HS6ST3: variants seen among roughly 807,000 people sequenced by gnomAD.
The protein encoded by HS6ST3 is heparan-sulfate 6-O-sulfotransferase 3.
A neutral mutation model predicts 36.7 loss-of-function variants in HS6ST3; 12 were observed. That is an observed-to-expected ratio of 0.33 (90% confidence interval 0.21 to 0.53). The LOEUF (loss-of-function observed/expected upper bound fraction) is 0.53, where lower values mean the gene tolerates loss of function less well. Among genes scored for constraint, HS6ST3 ranks in the 20% least tolerant of loss-of-function variants. The pLI is 0.95. For synonymous variants in HS6ST3, 240 were observed against 257.5 expected (o/e 0.93, Z 0.65); for missense variants, 584 against 640.9 (o/e 0.91, Z 0.96).
intron 1 of HS6ST3, among the ~76,000 whole-genome samples, chr13:96,620,087 G>C (rs1208962369): frequency 1.3e-5 from 2 of 152,230 alleles, no homozygotes; most frequent in Non-Finnish European, 2.9e-5. Context: ...ATAGACTTTG[G>C]TGATGAGGCT....
chr13:96,686,451 G>C (rs1375462518), intron 1 of HS6ST3, among the ~76,000 whole-genome samples: 1 of 151,982 alleles, frequency 6.6e-6, no homozygotes, highest in Non-Finnish European at 1.5e-5. Context: ...TTGAATGCAA[G>C]GTAACTGAAA....
At chr13:96,346,100 C>A (rs909197376) in intron 1 of HS6ST3, among the ~76,000 whole-genome samples, 1 of 152,138 alleles carries the variant, frequency 6.6e-6, no homozygotes, top group African/African-American at 2.4e-5. Flanking sequence ...TGCGCTCTTG[C>A]CTGCTGCTCA....
At position 96,833,308 on chromosome 13, in the gene HS6ST3, C is replaced by T. The variant is rs948654733; in HGVS notation, c.*110C>T. The T allele has an allele frequency of 3.9e-6, 3 of 764,684 alleles. No individual in the cohort carries two copies. Among genetic ancestry groups the T allele is most frequent in the Non-Finnish European group, 6.1e-6 (3 of 491,810 alleles). The allele number at this position is 764,684 out of a possible 1,614,324, so 47.4% of individuals were successfully genotyped here. A position where few individuals can be genotyped will look rare whatever the true frequency, so the allele number is the denominator to read the frequency against. ...TTCTGAGGACATCTGGCTGTGTGTG[C>T]TTGATTTGGACATCTTCTTCCTTCT... On this transcript the variant is annotated 3_prime_UTR_variant, in exon 2 of 2. Coordinates refer to ENST00000376705, the MANE Select transcript of HS6ST3 (RefSeq NM_153456.4).
At chr13:96,194,211 G>C (rs1039812451) in intron 1 of HS6ST3, among the ~76,000 whole-genome samples, 1 of 152,030 alleles carries the variant, frequency 6.6e-6, no homozygotes, top group African/African-American at 2.4e-5. Flanking sequence ...GAAACCAGGA[G>C]GATACAAAAA....
intron 1 of HS6ST3, among the ~76,000 whole-genome samples, chr13:96,657,842 G>A (rs919322964): frequency 6.6e-6 from 1 of 152,144 alleles, no homozygotes; most frequent in Non-Finnish European, 1.5e-5. Flanking sequence ...CAGGCAATGT[G>A]AAGAACAAGG....
chr13:96,142,115 T>A (rs2054035116), intron 1 of HS6ST3, among the ~76,000 whole-genome samples: 1 of 148,942 alleles, frequency 6.7e-6, no homozygotes. Context: ...CAAGAGCTAA[T>A]CAAGGGTCAA....
At chr13:96,579,485 C>T (rs545846153) in intron 1 of HS6ST3, among the ~76,000 whole-genome samples, 27 of 151,718 alleles carry the variant, frequency 1.8e-4, no homozygotes, top group Non-Finnish European at 3.4e-4. Context: ...CTTTTTAGAT[C>T]CTGTAGGACT....
intron 1 of HS6ST3, among the ~76,000 whole-genome samples, chr13:96,536,360 A>G (rs2056155361): frequency 6.6e-6 from 1 of 152,218 alleles, no homozygotes; most frequent in South Asian, 2.1e-4. Flanking sequence ...GCAATCACTT[A>G]ATAGCCTCTG....
chr13:96,718,912 G>A (rs1875773515), intron 1 of HS6ST3, among the ~76,000 whole-genome samples: 2 of 152,148 alleles, frequency 1.3e-5, no homozygotes, highest in African/African-American at 4.8e-5. Flanking sequence ...AAAGATGCTT[G>A]TTCCTTTAGA....
intron 1 of HS6ST3, among the ~76,000 whole-genome samples, chr13:96,664,974 C>G (rs2056658638): frequency 6.6e-6 from 1 of 152,084 alleles, no homozygotes; most frequent in Non-Finnish European, 1.5e-5. Flanking sequence ...GAGTCCAAGA[C>G]CAGCCCGGGC....
intron 1 of HS6ST3, among the ~76,000 whole-genome samples, chr13:96,221,341 T>C (rs2054454381): frequency 6.6e-6 from 1 of 152,232 alleles, no homozygotes; most frequent in Non-Finnish European, 1.5e-5. Flanking sequence ...CCTACCCTTC[T>C]GTCATTTTCA....
intron 1 of HS6ST3, among the ~76,000 whole-genome samples, chr13:96,780,850 A>G: frequency 6.6e-6 from 1 of 152,054 alleles, no homozygotes; most frequent in East Asian, 1.9e-4. Flanking sequence ...GCAGAAGGAC[A>G]TTCTTACTGG....
chr13:96,827,681 T>C (rs1336404809), intron 1 of HS6ST3, among the ~76,000 whole-genome samples: 2 of 152,222 alleles, frequency 1.3e-5, no homozygotes, highest in South Asian at 2.1e-4. Flanking sequence ...CAAGACATAA[T>C]TTAGGACTTA....
chr13:96,616,731 T>C (rs2138992055), intron 1 of HS6ST3, among the ~76,000 whole-genome samples: 1 of 152,356 alleles, frequency 6.6e-6, no homozygotes, highest in Non-Finnish European at 1.5e-5. Flanking sequence ...GGTAACTTAT[T>C]AGACAGTTGT....
intron 1 of HS6ST3, among the ~76,000 whole-genome samples, chr13:96,187,913 A>T (rs1277066345): frequency 6.6e-6 from 1 of 152,144 alleles, no homozygotes; most frequent in Non-Finnish European, 1.5e-5. Context: ...TCTCCTTAAG[A>T]GGAGATTGGT....
intron 1 of HS6ST3, among the ~76,000 whole-genome samples, chr13:96,786,593 T>G (rs1877658374): frequency 6.6e-6 from 1 of 152,168 alleles, no homozygotes; most frequent in South Asian, 2.1e-4. Flanking sequence ...GATCTCCTAT[T>G]GGTGGTTACA....
chr13:96,544,292 G>A (rs76336070), intron 1 of HS6ST3, among the ~76,000 whole-genome samples: 1,667 of 152,282 alleles, frequency 0.011, 31 homozygotes, highest in African/African-American at 0.033. Context: ...TCCAGTGCAA[G>A]GGCATCTGAA....
intron 1 of HS6ST3, among the ~76,000 whole-genome samples, chr13:96,761,419 C>T (rs1218303336): frequency 3.3e-5 from 5 of 151,956 alleles, no homozygotes; most frequent in African/African-American, 1.2e-4. Context: ...GGTTACGTAT[C>T]TCCTACCTTT....
At chr13:96,786,149 C>T (rs1168199998) in intron 1 of HS6ST3, among the ~76,000 whole-genome samples, 2 of 152,090 alleles carry the variant, frequency 1.3e-5, no homozygotes, top group South Asian at 2.1e-4. Context: ...TTTCTTACTC[C>T]GTTCCCTTCC....
Sources: gnomAD v4.1 joint callset for allele counts (sites outside exome capture counted in the v4.1 genomes callset) on GRCh38, gnomAD v4.1.1 for gene constraint, MANE v1.5 for transcripts, NCBI Gene and HGNC (gene_info 2026-07-23, HGNC 2026-07-21) for gene names.